Variants in AP5M1 observed in about 807,000 individuals in gnomAD.
AP5M1 encodes adaptor related protein complex 5 subunit mu 1.
Under a neutral mutation model 52.3 loss-of-function variants are expected in AP5M1, and 44 were observed. The ratio of observed to expected loss-of-function variants is 0.84; its 90% CI spans 0.66 to 1.08. AP5M1 has a LOEUF of 1.08. AP5M1 is among the 50% of genes least tolerant of loss of function. AP5M1 has a pLI of 0.00. For synonymous variants in AP5M1, 213 were observed against 199.0 expected, an observed-to-expected ratio of 1.07 and a Z score of -0.59; for missense variants, 526 against 568.4, an observed-to-expected ratio of 0.93 and a Z score of 0.76.
At chr14:57,272,009 A>G (rs1884906974) in intron 1 of AP5M1, among the ~76,000 whole-genome samples, 1 of 152,228 alleles carries the variant, frequency 6.6e-6, no homozygotes, top group Non-Finnish European at 1.5e-5. Flanking sequence ...TCTTGTACCA[A>G]TACAATATCT....
chr14:57,269,012 G>C lies in AP5M1; in HGVS notation c.-303G>C. On this transcript the variant is annotated 5_prime_UTR_variant, in exon 1 of 8. Transcript: ENST00000261558. ...TGTATGAGGAACTTTGATCCTTGCG[G>C]GCCACCATTCCGGAAGTAGAATTTA... is the stretch of plus-strand genomic sequence containing the variant. 1.8e-6 allele frequency: 1 copy of C among 554,024 alleles called. No individual in the cohort carries two copies. Among genetic ancestry groups the C allele is most frequent in the Non-Finnish European group, 3.1e-6 (1 of 317,910 alleles). 34.3% of individuals were successfully genotyped at this position (554,024 alleles called of 1,614,324 possible). A position where few individuals can be genotyped will look rare whatever the true frequency, so the allele number is the denominator to read the frequency against.
At chr14:57,286,370 A>G (rs1350237576) in intron 7 of AP5M1, 51 bp downstream of exon 7, 3 of 1,126,394 alleles carry the variant, frequency 2.7e-6, no homozygotes, top group Admixed American at 1.8e-5. Flanking sequence ...TGGTGTTTGC[A>G]GTTATTACCT....
intron 1 of AP5M1, among the ~76,000 whole-genome samples, chr14:57,271,817 A>G (rs997792586): frequency 2.0e-5 from 3 of 152,188 alleles, no homozygotes; most frequent in African/African-American, 7.2e-5. Context: ...TATGTAGTCC[A>G]TCTTTGGATA....
intron 1 of AP5M1, among the ~76,000 whole-genome samples, chr14:57,272,736 A>G (rs980913336): frequency 6.6e-6 from 1 of 152,198 alleles, no homozygotes; most frequent in African/African-American, 2.4e-5. Context: ...TACTATTCAT[A>G]TACAGAGATT....
At chr14:57,269,643 C>T (rs530346103) in intron 1 of AP5M1, among the ~76,000 whole-genome samples, 66 of 152,222 alleles carry the variant, frequency 4.3e-4, no homozygotes, top group African/African-American at 1.5e-3. Context: ...TTTAAAATGA[C>T]CTCCGTCTGC....
In AP5M1 at chr14:57,268,995, G is replaced by A; in HGVS notation, c.-320G>A. ...AAGGCTCGACGCTACCGTGTATGAG[G>A]AACTTTGATCCTTGCGGGCCACCAT... On this transcript the variant is annotated 5_prime_UTR_variant, in exon 1 of 8. Coordinates refer to ENST00000261558, the MANE Select transcript of AP5M1 (RefSeq NM_018229.4). 1 of 562,792 alleles carries A rather than the reference G, an allele frequency of 1.8e-6. No individual in the cohort carries two copies. Among genetic ancestry groups the A allele is most frequent in the East Asian group, 3.1e-5 (1 of 31,878 alleles). The allele number at this position is 562,792 out of a possible 1,614,324, so 34.9% of individuals were successfully genotyped here. A position where few individuals can be genotyped will look rare whatever the true frequency, so the allele number is the denominator to read the frequency against.
chr14:57,296,057 T>G lies in AP5M1; in HGVS notation c.*7173T>G, dbSNP rs1295770270. ...AAAGTTCAATCTTTATTATATGCAT[T>G]GATAAATGGGAAAGTTAGTAATTAA... On this transcript the variant is annotated 3_prime_UTR_variant, in exon 8 of 8. Transcript: ENST00000261558. 1.3e-5 allele frequency: 2 copies of G among 152,022 alleles called. No individual in the cohort carries two copies. The highest frequency in any genetic ancestry group is 6.6e-5 in the Admixed American group (1 of 15,230). 9.4% of individuals were successfully genotyped at this position (152,022 alleles called of 1,614,324 possible). A position where few individuals can be genotyped will look rare whatever the true frequency, so the allele number is the denominator to read the frequency against.
chr14:57,270,809 T>C (rs1346709419), intron 1 of AP5M1, among the ~76,000 whole-genome samples: 1 of 152,214 alleles, frequency 6.6e-6, no homozygotes, highest in Non-Finnish European at 1.5e-5. Flanking sequence ...TCAAATTACA[T>C]AATTAAGTGT....
intron 1 of AP5M1, among the ~76,000 whole-genome samples, chr14:57,272,492 T>G (rs1406398943): frequency 3.3e-5 from 5 of 152,212 alleles, no homozygotes. Flanking sequence ...ACCCCATAGT[T>G]GTAGGCCCAT....
chr14:57,279,004 T>C (rs1885107056), intron 2 of AP5M1, among the ~76,000 whole-genome samples: 1 of 152,144 alleles, frequency 6.6e-6, no homozygotes, highest in Admixed American at 6.5e-5. Context: ...CCAGTCAGAA[T>C]GGCTGTTATT....
intron 1 of AP5M1, among the ~76,000 whole-genome samples, chr14:57,270,623 C>T (rs142376369): frequency 6.6e-6 from 1 of 152,130 alleles, no homozygotes; most frequent in Admixed American, 6.5e-5. Context: ...ACCTCAAATA[C>T]AGGAGATTAA....
intron 6 of AP5M1, 79 bp from the exon 7 acceptor site, chr14:57,286,144 C>A: frequency 9.6e-6 from 9 of 932,708 alleles, no homozygotes; most frequent in Non-Finnish European, 1.5e-5. Flanking sequence ...TTCCCTAAGA[C>A]TGGGTTAAGG....
At chr14:57,271,784 G>A (rs1884902625) in intron 1 of AP5M1, among the ~76,000 whole-genome samples, 1 of 152,094 alleles carries the variant, frequency 6.6e-6, no homozygotes, top group South Asian at 2.1e-4. Flanking sequence ...AATTTCATCT[G>A]CTACATTTAG....
Position 57,294,665 on chromosome 14 carries a change from G to A in AP5M1, c.*5781G>A, listed in dbSNP as rs930109069. 6.6e-6 allele frequency: 1 copy of A among 151,844 alleles called. No individual in the cohort carries two copies. Among genetic ancestry groups the A allele is most frequent in the African/African-American group, 2.4e-5 (1 of 41,392 alleles). The allele number at this position is 151,844 out of a possible 1,614,324, so 9.4% of individuals were successfully genotyped here. ...TACCATTGAACTTCCAGACTACTTA[G>A]CTGGGGCTCTTTAAATGTTGGAACT... On this transcript the variant is annotated 3_prime_UTR_variant, in exon 8 of 8. Coordinates refer to ENST00000261558, the MANE Select transcript of AP5M1 (RefSeq NM_018229.4).
intron 4 of AP5M1, 51 bp downstream of exon 4, chr14:57,282,279 C>T (rs1329776630): frequency 2.2e-6 from 3 of 1,337,122 alleles, no homozygotes; most frequent in Non-Finnish European, 3.0e-6. Flanking sequence ...TAATACATTT[C>T]CACTGTCCCA....
rs1885559732 is a variant in AP5M1 at position 57,296,680 on chromosome 14, GTTATT to G, written c.*7803_*7807del. On this transcript the variant is annotated 3_prime_UTR_variant, in exon 8 of 8. Transcript: ENST00000261558. ...TCTCTCATACATATTAAAATAGCAT[GTTATT>G]TTATTTAATATTGAAGGCCTAAACA... 6.6e-6 allele frequency: 1 copy of G among 151,974 alleles called. No homozygotes were observed. Among genetic ancestry groups the G allele is most frequent in the African/African-American group, 2.4e-5 (1 of 41,412 alleles). 9.4% of individuals were successfully genotyped at this position (151,974 alleles called of 1,614,324 possible). A position where few individuals can be genotyped will look rare whatever the true frequency, so the allele number is the denominator to read the frequency against.
chr14:57,274,700 A>G lies in AP5M1; in HGVS notation c.531A>G (p.Leu177=). The G allele has an allele frequency of 6.2e-7, 1 of 1,614,204 alleles. No homozygotes were observed. The highest frequency in any genetic ancestry group is 1.3e-5 in the African/African-American group (1 of 75,056). The stretch of plus-strand genomic sequence containing the variant: ...TTGGTACTTTATTAGATGCCAACTT[A>G]CAGAATTCATTAGATAATACCAATT... ...CPFGTLLDAN[L]QNSLDNTNFA... Residue 177 remains leucine (L), a synonymous_variant, in exon 2 of 8, where the codon TTA becomes TTG. Coordinates refer to ENST00000261558, the MANE Select transcript of AP5M1 (RefSeq NM_018229.4).
chr14:57,283,206 T>C lies in AP5M1; in HGVS notation c.1269T>C (p.Cys423=). The change falls in exon 6 of 8, where the codon TGT becomes TGC. Residue 423 remains cysteine (C), a synonymous_variant. Coordinates refer to ENST00000261558, the MANE Select transcript of AP5M1 (RefSeq NM_018229.4). ...SHEKQPFDPI[C]TGETAYLKLH... ...AGAAGCAGCCATTTGACCCAATTTG[T>C]ACTGGAGAAACAGCATATTTAAAGG... 1.2e-6 allele frequency: 2 copies of C among 1,612,192 alleles called. No individual in the cohort carries two copies. Among genetic ancestry groups the C allele is most frequent in the South Asian group, 2.2e-5 (2 of 90,928 alleles).
chr14:57,273,735 T>C, intron 1 of AP5M1: 1 of 702,112 alleles, frequency 1.4e-6, no homozygotes, highest in Non-Finnish European at 2.6e-6. Flanking sequence ...TCAGGGTACC[T>C]GTCATTCACT....
Sources: gnomAD v4.1 joint callset for allele counts (sites outside exome capture counted in the v4.1 genomes callset) on GRCh38, gnomAD v4.1.1 for gene constraint, MANE v1.5 for transcripts, NCBI Gene and HGNC (gene_info 2026-07-23, HGNC 2026-07-21) for gene names.